The following FSTL5 variants were observed in gnomAD, a reference collection of about 807,000 sequenced individuals.
The protein encoded by FSTL5 is follistatin like 5.
FSTL5 carries 62 observed loss-of-function variants against 89.1 expected under a neutral mutation model. That is an observed-to-expected ratio of 0.70 (90% CI 0.57 to 0.86). FSTL5 has a LOEUF of 0.86. Ranked by LOEUF, FSTL5 falls within the 40% of genes least tolerant of loss-of-function variation. The pLI is 0.00. For synonymous variants in FSTL5, 383 were observed against 346.2 expected (o/e 1.11, Z -1.18); for missense variants, 1,057 against 1,001.6 (o/e 1.06, Z -0.75).
rs146970564 is a variant in FSTL5, at chr4:161,979,685, A to G, written c.160+53940T>C. 2.0e-5 allele frequency among the ~76,000 whole-genome samples: 3 copies of G among 152,232 alleles called. No individual in the cohort carries two copies. In the East Asian group the frequency reaches 5.8e-4, roughly 29 times the overall value. Reference sequence around the variant, plus strand: ...CAAAGGGGTACCCATAACACTGGTTATTATGTTCCCTTGGCATGATGTTAC... The same window carrying G: ...CAAAGGGGTACCCATAACACTGGTTGTTATGTTCCCTTGGCATGATGTTAC... On this transcript the variant is annotated intron_variant, in intron 3 of 15. Transcript: ENST00000306100.
intron 3 of FSTL5, among the ~76,000 whole-genome samples, chr4:162,005,761 C>T (rs1578940076): frequency 6.6e-6 from 1 of 152,028 alleles, no homozygotes; most frequent in African/African-American, 2.4e-5. Context: ...CCATTTCATC[C>T]TCAGTATGGA....
chr4:161,744,050 C>G (rs529830905), intron 6 of FSTL5, among the ~76,000 whole-genome samples: 239 of 152,144 alleles, frequency 1.6e-3, no homozygotes, highest in Non-Finnish European at 1.8e-3. Flanking sequence ...GTTGCAAATT[C>G]TAACACTATT....
chr4:161,494,248 A>G (rs1729988475), intron 12 of FSTL5, among the ~76,000 whole-genome samples: 1 of 152,112 alleles, frequency 6.6e-6, no homozygotes, highest in Admixed American at 6.6e-5. Flanking sequence ...AGACACCCTG[A>G]GAAAAAAAAA....
chr4:161,430,468 T>C (rs1029638121), intron 15 of FSTL5, among the ~76,000 whole-genome samples: 7 of 152,114 alleles, frequency 4.6e-5, no homozygotes, highest in African/African-American at 1.7e-4. Context: ...TGGCCAGGTG[T>C]GGTGGCTCAT....
intron 6 of FSTL5, among the ~76,000 whole-genome samples, chr4:161,731,165 T>G (rs1739594060): frequency 6.6e-6 from 1 of 152,186 alleles, no homozygotes; most frequent in Non-Finnish European, 1.5e-5. Flanking sequence ...AGTTGATGAA[T>G]CTTGGTGTGT....
chr4:162,059,682 TTAA>T (rs1182122741), intron 2 of FSTL5, among the ~76,000 whole-genome samples: 1 of 152,056 alleles, frequency 6.6e-6, no homozygotes, highest in Non-Finnish European at 1.5e-5. Context: ...AATAGAAATG[TTAA>T]TAATAGTCTA....
chr4:161,451,607 C>T (rs1733166241), intron 15 of FSTL5, among the ~76,000 whole-genome samples: 1 of 152,200 alleles, frequency 6.6e-6, no homozygotes, highest in African/African-American at 2.4e-5. Context: ...GTTAAGGTCA[C>T]CAGAGTCAAT....
intron 7 of FSTL5, among the ~76,000 whole-genome samples, chr4:161,617,898 A>T (rs992927952): frequency 6.6e-6 from 1 of 152,188 alleles, no homozygotes; most frequent in Non-Finnish European, 1.5e-5. Context: ...CACTGAATCT[A>T]TAAATTACCT....
chr4:162,074,834 C>T (rs1232487879), intron 2 of FSTL5, among the ~76,000 whole-genome samples: 1 of 151,526 alleles, frequency 6.6e-6, no homozygotes, highest in African/African-American at 2.4e-5. Context: ...GTATTTAATA[C>T]CGAACACTTA....
chr4:161,427,434 G>A (rs1420976998), intron 15 of FSTL5, among the ~76,000 whole-genome samples: 2 of 152,168 alleles, frequency 1.3e-5, no homozygotes, highest in African/African-American at 4.8e-5. Flanking sequence ...GATGATGTGA[G>A]GATTCACTGC....
At chr4:161,734,442 C>G (rs184889313) in intron 6 of FSTL5, among the ~76,000 whole-genome samples, 2 of 152,178 alleles carry the variant, frequency 1.3e-5, no homozygotes. Context: ...GACACTAATG[C>G]CTTCTGAAGC....
At chr4:161,835,987 A>C (rs990432361) in intron 4 of FSTL5, among the ~76,000 whole-genome samples, 25 of 152,140 alleles carry the variant, frequency 1.6e-4, no homozygotes, top group African/African-American at 5.6e-4. Context: ...TCATGCTGCT[A>C]TAAAGACACA....
chr4:161,949,386 T>A (rs1734826771), intron 3 of FSTL5, among the ~76,000 whole-genome samples: 1 of 152,136 alleles, frequency 6.6e-6, no homozygotes, highest in African/African-American at 2.4e-5. Context: ...CCATACGCTT[T>A]TAAAAAATCT....
intron 8 of FSTL5, among the ~76,000 whole-genome samples, chr4:161,565,301 G>C (rs12504674): frequency 5.2e-4 from 79 of 151,780 alleles, no homozygotes; most frequent in African/African-American, 1.8e-3. Context: ...AATATGAAAT[G>C]TTTGACTGGC....
At chr4:161,530,790 T>C (rs1731385961) in intron 10 of FSTL5, among the ~76,000 whole-genome samples, 1 of 152,106 alleles carries the variant, frequency 6.6e-6, no homozygotes, top group Non-Finnish European at 1.5e-5. Context: ...ATGCAGCCTG[T>C]AGCTTAAAAG....
chr4:161,476,183 T>TG (rs1460965995), intron 13 of FSTL5, among the ~76,000 whole-genome samples: 1 of 105,774 alleles, frequency 9.5e-6, no homozygotes, highest in Non-Finnish European at 1.9e-5. Context: ...GTTTTTTTTT[T>TG]TTTTTGTTTG....
intron 4 of FSTL5, among the ~76,000 whole-genome samples, chr4:161,886,462 C>T (rs981816753): frequency 1.3e-5 from 2 of 152,228 alleles, no homozygotes; most frequent in East Asian, 1.9e-4. Context: ...ACTCTCCACA[C>T]GAATTCATAT....
chr4:161,740,594 T>C (rs1439193239), intron 6 of FSTL5, among the ~76,000 whole-genome samples: 2 of 152,226 alleles, frequency 1.3e-5, no homozygotes, highest in Non-Finnish European at 2.9e-5. Context: ...TTCCATGTTA[T>C]TTATGCTATA....
At chr4:161,679,068 T>A (rs2126706463) in intron 6 of FSTL5, among the ~76,000 whole-genome samples, 1 of 151,882 alleles carries the variant, frequency 6.6e-6, no homozygotes. Context: ...TTATTATCCC[T>A]ATTTTATTGA....
Sources: gnomAD v4.1 joint callset for allele counts (sites outside exome capture counted in the v4.1 genomes callset) on GRCh38, gnomAD v4.1.1 for gene constraint, MANE v1.5 for transcripts, NCBI Gene and HGNC (gene_info 2026-07-23, HGNC 2026-07-21) for gene names.